COL2A1: variants seen among roughly 807,000 people sequenced by gnomAD.
COL2A1 encodes the protein collagen alpha-1(II) chain.
Under a neutral mutation model 204.5 loss-of-function variants are expected in COL2A1, and 28 were observed. The observed-to-expected ratio is 0.14, with a 90% CI of 0.10 to 0.19. The LOEUF is 0.19. Ranked by LOEUF, COL2A1 falls within the 10% of genes least tolerant of loss-of-function variation. COL2A1 has a pLI of 1.00. For missense variants in COL2A1, 1,388 were observed against 2,027.5 expected, an observed-to-expected ratio of 0.68 and a Z score of 6.06; for synonymous variants, 708 against 718.7, an observed-to-expected ratio of 0.99 and a Z score of 0.24.
intron 15 of COL2A1, 23 bp from the exon 16 acceptor site, chr12:47,992,954 C>T: frequency 1.2e-6 from 2 of 1,613,900 alleles, no homozygotes; most frequent in South Asian, 1.1e-5. Flanking sequence ...CCAGGACAGC[C>T]TAAGCATGAG....
At chr12:47,998,481 A>G (rs1940072547) in intron 2 of COL2A1, 50 bp from the exon 3 acceptor site, 2 of 1,589,878 alleles carry the variant, frequency 1.3e-6, no homozygotes, top group Non-Finnish European at 1.7e-6. Flanking sequence ...CTTGAGATGG[A>G]AAAATACCTA....
chr12:47,981,246 A>C (rs1939063755), intron 37 of COL2A1, 97 bp downstream of exon 37: 2 of 1,344,456 alleles, frequency 1.5e-6, no homozygotes, highest in Admixed American at 3.8e-5. Flanking sequence ...GGCAGCACAC[A>C]GGGCCACCAG....
chr12:47,996,996 A>C (rs2136623844), intron 7 of COL2A1, among the ~76,000 whole-genome samples: 1 of 152,378 alleles, frequency 6.6e-6, no homozygotes, highest in South Asian at 2.1e-4. Flanking sequence ...AGTGCCCAGC[A>C]AAAGACTAAA....
intron 14 of COL2A1, 127 bp from the exon 15 acceptor site, chr12:47,993,629 G>A: frequency 1.8e-6 from 2 of 1,091,310 alleles, no homozygotes; most frequent in Non-Finnish European, 2.8e-6. Context: ...TCCTGTGAGG[G>A]ACAATGCCCT....
Position 47,977,931 on chromosome 12 carries a change from T to C in COL2A1, c.3111+79A>G. ...CTTCTCCAGGGCCCTGACTGGGACT[T>C]GTCCTTGCTGACCCAGCACAGAGAC... is the stretch of plus-strand genomic sequence containing the variant. On this transcript the variant is annotated intron_variant, in intron 44 of 53. Transcript: ENST00000380518. 2.9e-6 allele frequency: 4 copies of C among 1,357,588 alleles called. No homozygotes were observed. The South Asian group carries it at 4.9e-5, about 17-fold the overall frequency. The allele number at this position is 1,357,588 out of a possible 1,614,324, so 84.1% of individuals were successfully genotyped here.
intron 11 of COL2A1, among the ~76,000 whole-genome samples, 159 bp downstream of exon 11, chr12:47,995,095 GC>G (rs577232938): frequency 1.4e-3 from 211 of 152,254 alleles, no homozygotes; most frequent in African/African-American, 4.6e-3. Context: ...AGTCACAGTG[GC>G]CATATAGATA....
chr12:47,975,522 G>T lies in COL2A1; in HGVS notation c.3681C>A (p.Gly1227=). 6.2e-7 allele frequency: 1 copy of T among 1,609,484 alleles called. No individual in the cohort carries two copies. Among genetic ancestry groups the T allele is most frequent in the Non-Finnish European group, 8.5e-7 (1 of 1,179,980 alleles). ...GGGGGTCGGGGCCCTTCTCTCTCGG[G>T]CCTAAGCCAGCAAAGGCGGACATGT... ...GIDMSAFAGL[G]PREKGPDPLQ... The change falls in exon 51 of 54, where the codon GGC becomes GGA. Residue 1227 remains glycine, a synonymous_variant. Transcript: ENST00000380518.
chr12:47,976,020 G>T lies in COL2A1; in HGVS notation c.3540C>A (p.Ile1180=), dbSNP rs759490155. 5 of 1,614,006 alleles carry T rather than the reference G, an allele frequency of 3.1e-6. No individual in the cohort carries two copies. In the African/African-American group the frequency reaches 5.3e-5, roughly 17 times the overall value. ...GPSGKDGANG[I]PGPIGPPGPR... is the part of the protein sequence containing the mutation. The stretch of plus-strand genomic sequence containing the variant: ...GACCAGGAGGCCCAATGGGGCCAGG[G>T]ATTCCATTAGCACCATCTTTGCCAG... Residue 1180 remains isoleucine, a synonymous_variant, in exon 50 of 54, where the codon ATC becomes ATA. Coordinates refer to ENST00000380518, the MANE Select transcript of COL2A1 (RefSeq NM_001844.5). This position sits in a 1 kb window ranked among gnomAD's most constrained non-coding sequence, Gnocchi z 4.3.
chr12:47,987,412 C>A lies in COL2A1; in HGVS notation c.1222-99G>T. On this transcript the variant is annotated intron_variant, in intron 19 of 53. Transcript: ENST00000380518. This position sits in a 1 kb window ranked among gnomAD's most constrained non-coding sequence, Gnocchi z 4.1. ...TCCAGGGACCTGGCATAGGTGCTGT[C>A]CATTTCAGGGACATTCCCACTATGT... is the stretch of plus-strand genomic sequence containing the variant. The A allele has an allele frequency of 7.6e-7, 1 of 1,311,558 alleles. No individual in the cohort carries two copies. The highest frequency in any genetic ancestry group is 1.1e-6 in the Non-Finnish European group (1 of 916,002). 81.2% of individuals were successfully genotyped at this position (1,311,558 alleles called of 1,614,324 possible). A position where few individuals can be genotyped will look rare whatever the true frequency, so the allele number is the denominator to read the frequency against.
Position 47,979,492 on chromosome 12 carries a change from T to G in COL2A1, c.2733+19A>C, listed in dbSNP as rs1436470894. 5.0e-6 allele frequency: 8 copies of G among 1,612,188 alleles called. No individual in the cohort carries two copies. In the Admixed American group the frequency reaches 8.3e-5, roughly 17 times the overall value. ...ATTCCATGCCTGCCTGTGCCTCTCATGCCAGGAGCATCACTTACATTGGAG... is the reference window on the plus strand; with the variant it reads ...ATTCCATGCCTGCCTGTGCCTCTCAGGCCAGGAGCATCACTTACATTGGAG... On this transcript the variant is annotated intron_variant, in intron 41 of 53. Coordinates refer to ENST00000380518, the MANE Select transcript of COL2A1 (RefSeq NM_001844.5).
chr12:47,977,063 C>A (rs1234901772), intron 47 of COL2A1, 39 bp downstream of exon 47: 1 of 1,588,866 alleles, frequency 6.3e-7, no homozygotes, highest in African/African-American at 1.3e-5. Context: ...CCCAGCCTAT[C>A]CCTGGTGGGG....
At chr12:47,988,390 C>T (rs2136583300) in intron 18 of COL2A1, 1 of 155,990 alleles carries the variant, frequency 6.4e-6, no homozygotes, top group South Asian at 2.0e-4. Context: ...TTACAACCCA[C>T]TCTAGATGGC....
Position 47,974,072 on chromosome 12 carries a change from C to T in COL2A1, c.4317+17G>A, listed in dbSNP as rs753970129. The T allele has an allele frequency of 1.2e-6, 2 of 1,614,154 alleles. No individual in the cohort carries two copies. The highest frequency in any genetic ancestry group is 1.7e-6 in the Non-Finnish European group (2 of 1,180,034). Reference sequence around the variant, plus strand: ...GTTTGGGCACAGGCAGCTCTTCTCTCTGGCAGCCCCACTCACCGTGCAGCC... The same window carrying T: ...GTTTGGGCACAGGCAGCTCTTCTCTTTGGCAGCCCCACTCACCGTGCAGCC... On this transcript the variant is annotated intron_variant, in intron 53 of 53. Coordinates refer to ENST00000380518, the MANE Select transcript of COL2A1 (RefSeq NM_001844.5).
intron 52 of COL2A1, 101 bp from the exon 53 acceptor site, chr12:47,974,432 G>C: frequency 1.3e-6 from 2 of 1,498,162 alleles, no homozygotes; most frequent in Non-Finnish European, 1.8e-6. Context: ...AGGACCTCAA[G>C]GGTACTGGGG....
intron 40 of COL2A1, 65 bp from the exon 41 acceptor site, chr12:47,979,629 C>CGG: frequency 1.3e-6 from 1 of 744,890 alleles, no homozygotes; most frequent in Non-Finnish European, 2.1e-6. Context: ...TTAAAATGGG[C>CGG]GGGGGGCGGG....
intron 4 of COL2A1, 45 bp downstream of exon 4, chr12:47,998,124 T>G: frequency 6.2e-7 from 1 of 1,614,104 alleles, no homozygotes. Context: ...AATGACCCAT[T>G]TAGAGCAGCA....
rs778838205 is a variant in COL2A1, at chr12:47,975,386, C to T, written c.3817G>A (p.Glu1273Lys). ...CGAGCAGGGTTCTTGCGGGAGCCCT[C>T]GGGGCTGCGGATGCTCTCAATCTGG... ...NNQIESIRSP[E>K]GSRKNPARTC... The change falls in exon 51 of 54, where the codon GAG becomes AAG. Residue 1273 changes from glutamate (E) to lysine (K), a missense_variant. By Grantham distance (56) the Glu-to-Lys change is moderately conservative (BLOSUM62 1). This residue lies in a region of COL2A1 where 303 missense variants were observed against 369.2 expected (regional missense o/e 0.82). Coordinates refer to ENST00000380518, the MANE Select transcript of COL2A1 (RefSeq NM_001844.5). 70 of 1,614,042 alleles carry T rather than the reference C, an allele frequency of 4.3e-5. No homozygotes were observed. The highest frequency in any genetic ancestry group is 5.5e-5 in the Non-Finnish European group (65 of 1,180,028).
chr12:47,977,310 G>A lies in COL2A1; in HGVS notation c.3273+10C>T, dbSNP rs2136520976. 1.2e-6 allele frequency: 2 copies of A among 1,610,704 alleles called. No individual in the cohort carries two copies. The highest frequency in any genetic ancestry group is 2.2e-5 in the East Asian group (1 of 44,870). ...GGGAAGGCGGCTTTTACTGAATTCAGGATACTTACAGCTTCTCCTCTGTCT... is the reference window on the plus strand; with the variant it reads ...GGGAAGGCGGCTTTTACTGAATTCAAGATACTTACAGCTTCTCCTCTGTCT... On this transcript the variant is annotated intron_variant, in intron 46 of 53. Transcript: ENST00000380518.
rs781222366 is a variant in COL2A1, at chr12:47,976,107, C to A, written c.3490-37G>T. 9.3e-6 allele frequency: 14 copies of A among 1,498,340 alleles called. No homozygotes were observed. The highest frequency in any genetic ancestry group is 1.3e-5 in the Non-Finnish European group (14 of 1,074,606). 92.8% of individuals were successfully genotyped at this position (1,498,340 alleles called of 1,614,324 possible). A position where few individuals can be genotyped will look rare whatever the true frequency, so the allele number is the denominator to read the frequency against. ...AGAGGTCGTGAGGAAAGAGTGGTCA[C>A]CACAGGGAAGGCTGGGGAGTCGCTG... On this transcript the variant is annotated intron_variant, in intron 49 of 53. Transcript: ENST00000380518. The surrounding 1 kb of genome is among the most constrained non-coding windows in gnomAD (Gnocchi z 4.3).
Sources: gnomAD v4.1 joint callset for allele counts (sites outside exome capture counted in the v4.1 genomes callset) on GRCh38, gnomAD v4.1.1 for gene constraint, gnomAD v4.1.1 regional missense constraint, Gnocchi (gnomAD v3.1) non-coding constraint, MANE v1.5 for transcripts, NCBI Gene and HGNC (gene_info 2026-07-23, HGNC 2026-07-21) for gene names.